The following PPP2R2A variants were observed in gnomAD, a reference collection of about 807,000 sequenced individuals.
The protein encoded by PPP2R2A is protein phosphatase 2 regulatory subunit Balpha, also known as serine/threonine-protein phosphatase 2A 55 kDa regulatory subunit B alpha isoform.
In PPP2R2A, 9 loss-of-function variants were observed where a neutral mutation model predicts 53.2. That is an observed-to-expected ratio of 0.17 (90% CI 0.10 to 0.30). PPP2R2A has a LOEUF of 0.30. Ranked by LOEUF, PPP2R2A falls within the 10% of genes least tolerant of loss-of-function variation. The pLI, the probability that PPP2R2A is intolerant of heterozygous loss-of-function variation, is 1.00. For synonymous variants in PPP2R2A, 169 were observed against 174.2 expected (o/e 0.97, Z 0.23); for missense variants, 235 against 534.6 (o/e 0.44, Z 5.53).
At chr8:26,351,791 C>A (rs1377521956) in intron 3 of PPP2R2A, among the ~76,000 whole-genome samples, 1 of 152,176 alleles carries the variant, frequency 6.6e-6, no homozygotes, top group Admixed American at 6.5e-5. Flanking sequence ...ATCCTCATGC[C>A]AGTACACAGT....
chr8:26,364,785 C>G (rs750427352), intron 8 of PPP2R2A, among the ~76,000 whole-genome samples: 3 of 152,166 alleles, frequency 2.0e-5, no homozygotes, highest in Non-Finnish European at 4.4e-5. Context: ...TGCATGGGTT[C>G]ACTCATACAC....
intron 3 of PPP2R2A, 103 bp downstream of exon 3, chr8:26,339,090 A>C (rs1361296796): frequency 5.1e-5 from 45 of 882,112 alleles, no homozygotes; most frequent in Non-Finnish European, 1.1e-5. Flanking sequence ...TTTTAAAAGA[A>C]GTGTGTGTTT....
chr8:26,360,023 TAGG>T lies in PPP2R2A; in HGVS notation c.347-144_347-142del. On this transcript the variant is annotated intron_variant, in intron 4 of 9. Coordinates refer to ENST00000380737, the MANE Select transcript of PPP2R2A (RefSeq NM_002717.4). This position sits in a 1 kb window ranked among gnomAD's most constrained non-coding sequence, Gnocchi z 4.5. Reference sequence around the variant, plus strand: ...TGTGTGTATGTTATTCAGCTGATAATAGGAAATTTTTTAGTAAGTTCAGATTAG... The same window carrying T: ...TGTGTGTATGTTATTCAGCTGATAATAAATTTTTTAGTAAGTTCAGATTAG... 1 of 502,626 alleles carries T rather than the reference TAGG, an allele frequency of 2.0e-6. No homozygotes were observed. 31.1% of individuals were successfully genotyped at this position (502,626 alleles called of 1,614,324 possible).
At chr8:26,292,033 G>T in intron 1 of PPP2R2A, 1 of 1,247,264 alleles carries the variant, frequency 8.0e-7, no homozygotes, top group African/African-American at 1.6e-5. Flanking sequence ...CTTGGAGAAC[G>T]GGGCTGGCGC....
chr8:26,312,743 A>G (rs941710140), intron 2 of PPP2R2A, among the ~76,000 whole-genome samples: 2 of 152,066 alleles, frequency 1.3e-5, no homozygotes, highest in Non-Finnish European at 1.5e-5. Flanking sequence ...TTTGCTGGTA[A>G]TTTGCCCTTA....
rs1226300502 is a variant in PPP2R2A at position 26,361,168 on chromosome 8, CTTTGGTGTTT to C, written c.637+18_637+27del. 6.4e-7 allele frequency: 1 copy of C among 1,563,880 alleles called. No homozygotes were observed. Among genetic ancestry groups the C allele is most frequent in the African/African-American group, 1.4e-5 (1 of 72,414 alleles). On this transcript the variant is annotated intron_variant, in intron 6 of 9. Transcript: ENST00000380737. ...GGAGTTTTAGTATCCATTTGGTTTT[CTTTGGTGTTT>C]GGTGAAGAAGGCATGTTGTGCCCAT...
chr8:26,315,896 T>C (rs2117249929), intron 2 of PPP2R2A, among the ~76,000 whole-genome samples: 1 of 152,370 alleles, frequency 6.6e-6, no homozygotes, highest in East Asian at 1.9e-4. Context: ...ATAGTTTCTT[T>C]TCATTCATGT....
In PPP2R2A at chr8:26,354,770, C is replaced by G. The variant is rs1352014018; in HGVS notation, c.346+137C>G. 7.3e-6 allele frequency: 6 copies of G among 821,408 alleles called. No homozygotes were observed. 50.9% of individuals were successfully genotyped at this position (821,408 alleles called of 1,614,324 possible). ...TTTTCTATACAGAATGTAAACTCTACTTTTTTACTGTCACTTGCAGTTTTT... is the reference window on the plus strand; with the variant it reads ...TTTTCTATACAGAATGTAAACTCTAGTTTTTTACTGTCACTTGCAGTTTTT... On this transcript the variant is annotated intron_variant, in intron 4 of 9. Transcript: ENST00000380737. The surrounding 1 kb of genome is among the most constrained non-coding windows in gnomAD (Gnocchi z 4.6).
In PPP2R2A at chr8:26,321,956, T is replaced by C. The variant is rs1423907064; in HGVS notation, c.83-16934T>C. On this transcript the variant is annotated intron_variant, in intron 2 of 9. Transcript: ENST00000380737. This position sits in a 1 kb window ranked among gnomAD's most constrained non-coding sequence, Gnocchi z 4.1. ...TGTTTTCTGGTTGAACCCAACACAG[T>C]ACCCAATATTACATAAACACAGGCC... 6.6e-6 allele frequency among the ~76,000 whole-genome samples: 1 copy of C among 152,208 alleles called. No individual in the cohort carries two copies. The highest frequency in any genetic ancestry group is 2.4e-5 in the African/African-American group (1 of 41,444).
At position 26,360,089 on chromosome 8, in the gene PPP2R2A, T is replaced by A; in HGVS notation, c.347-80T>A. On this transcript the variant is annotated intron_variant, in intron 4 of 9. Transcript: ENST00000380737. The surrounding 1 kb of genome is among the most constrained non-coding windows in gnomAD (Gnocchi z 4.5). Reference sequence around the variant, plus strand: ...TTTCGTGGAATCCTTTTACGTGAAATGTGAAATAGCATATTTTAAATGCCT... The same window carrying A: ...TTTCGTGGAATCCTTTTACGTGAAAAGTGAAATAGCATATTTTAAATGCCT... 1 of 689,456 alleles carries A rather than the reference T, an allele frequency of 1.5e-6. No individual in the cohort carries two copies. Among genetic ancestry groups the A allele is most frequent in the Non-Finnish European group, 2.4e-6 (1 of 423,966 alleles). The allele number at this position is 689,456 out of a possible 1,614,324, so 42.7% of individuals were successfully genotyped here.
At chr8:26,315,337 T>C (rs1423194255) in intron 2 of PPP2R2A, among the ~76,000 whole-genome samples, 1 of 152,174 alleles carries the variant, frequency 6.6e-6, no homozygotes, top group Non-Finnish European at 1.5e-5. Flanking sequence ...AAGGAACTTC[T>C]AGTGTCTTAT....
At chr8:26,314,520 TG>T (rs1437474815) in intron 2 of PPP2R2A, among the ~76,000 whole-genome samples, 2 of 152,216 alleles carry the variant, frequency 1.3e-5, no homozygotes, top group East Asian at 3.8e-4. Context: ...CAGTGCTTTA[TG>T]GGAAAGGTTT....
chr8:26,363,678 T>C (rs895241893), intron 7 of PPP2R2A, 43 bp from the exon 8 acceptor site: 1 of 1,469,220 alleles, frequency 6.8e-7, no homozygotes, highest in South Asian at 1.4e-5. Flanking sequence ...AGCCAGAATA[T>C]TGTACACCTT....
intron 2 of PPP2R2A, among the ~76,000 whole-genome samples, chr8:26,323,131 A>G (rs1377312419): frequency 4.6e-5 from 7 of 152,090 alleles, no homozygotes; most frequent in Admixed American, 4.6e-4. Context: ...TTCTTTATCT[A>G]TACTTATTCA....
In PPP2R2A at chr8:26,293,659, T is replaced by C. The variant is rs1801410324; in HGVS notation, c.8-7T>C. On this transcript the variant is annotated splice_polypyrimidine_tract_variant and splice_region_variant and intron_variant, in intron 1 of 9. Coordinates refer to ENST00000380737, the MANE Select transcript of PPP2R2A (RefSeq NM_002717.4). ...TCGGTTTTAATTGGTATGTTTTCTT[T>C]TTCCAGGAGCTGGAGGAGGGAATGA... The C allele has an allele frequency of 6.2e-7, 1 of 1,608,620 alleles. No homozygotes were observed. The highest frequency in any genetic ancestry group is 1.1e-5 in the South Asian group (1 of 89,812).
intron 2 of PPP2R2A, among the ~76,000 whole-genome samples, chr8:26,299,192 G>A (rs1204068945): frequency 1.3e-5 from 2 of 151,980 alleles, no homozygotes; most frequent in African/African-American, 4.8e-5. Context: ...GAGCCTGAGA[G>A]GTCTGCTACA....
chr8:26,336,936 C>T (rs1318967979), intron 2 of PPP2R2A, among the ~76,000 whole-genome samples: 2 of 151,650 alleles, frequency 1.3e-5, no homozygotes, highest in Admixed American at 1.3e-4. Flanking sequence ...TACTGCTTAG[C>T]AGAGAGTGTA....
intron 2 of PPP2R2A, among the ~76,000 whole-genome samples, chr8:26,307,310 G>C (rs942254557): frequency 1.3e-5 from 2 of 152,124 alleles, no homozygotes; most frequent in East Asian, 3.8e-4. Flanking sequence ...TGGAGTCTTC[G>C]GATTGTAGAC....
In PPP2R2A at chr8:26,360,937, T is replaced by A; in HGVS notation, c.460-37T>A. ...CTTAATTGCTATTTGAAACTGAGCCTTTTGTAATTTCTGTTTTTCATGTGT... is the reference window on the plus strand; with the variant it reads ...CTTAATTGCTATTTGAAACTGAGCCATTTGTAATTTCTGTTTTTCATGTGT... On this transcript the variant is annotated intron_variant, in intron 5 of 9. Transcript: ENST00000380737. This position sits in a 1 kb window ranked among gnomAD's most constrained non-coding sequence, Gnocchi z 4.5. 6.4e-7 allele frequency: 1 copy of A among 1,558,000 alleles called. No individual in the cohort carries two copies.
Sources: allele counts gnomAD v4.1 joint callset (sites outside exome capture counted in the v4.1 genomes callset), GRCh38; gene constraint gnomAD v4.1.1; non-coding constraint Gnocchi (gnomAD v3.1); transcripts MANE v1.5; gene names NCBI Gene and HGNC (gene_info 2026-07-23, HGNC 2026-07-21).